The following C1QTNF3 variants were observed in gnomAD, a reference collection of about 807,000 sequenced individuals.
C1QTNF3 encodes the protein complement C1q tumor necrosis factor-related protein 3.
C1QTNF3 carries 26 observed loss-of-function variants against 32.6 expected under a neutral mutation model. That is an observed-to-expected ratio of 0.80 (90% CI 0.58 to 1.11). The LOEUF (loss-of-function observed/expected upper bound fraction) is 1.11. Among genes scored for constraint, C1QTNF3 ranks in the 50% least tolerant of loss-of-function variants. The probability of loss-of-function intolerance (pLI) is 0.00; values close to 1 mark genes in which losing one functional copy is unlikely to be tolerated. For missense variants in C1QTNF3, 362 were observed against 398.2 expected (o/e 0.91, Z 0.77); for synonymous variants, 155 against 146.0 (o/e 1.06, Z -0.44).
At chr5:34,165,509 G>A in the C1QTNF3 span, 2 of 152,044 alleles carry the variant, frequency 1.3e-5, no homozygotes, top group Admixed American at 6.6e-5. Context: ...CACAGCATCT[G>A]GTATTTAAAA....
At chr5:34,087,570 C>CTTTTTTTTTT in the C1QTNF3 span, among the ~76,000 whole-genome samples, 1 of 70,024 alleles carries the variant, frequency 1.4e-5, no homozygotes, top group Non-Finnish European at 2.5e-5. Context: ...ACGCTTTTGT[C>CTTTTTTTTTT]TTTTTTTTTT....
At chr5:34,113,873 A>G in the C1QTNF3 span, among the ~76,000 whole-genome samples, 2 of 152,186 alleles carry the variant, frequency 1.3e-5, no homozygotes, top group Admixed American at 1.3e-4. Flanking sequence ...GAATGCAAAA[A>G]CTACTTATTA....
the C1QTNF3 span, among the ~76,000 whole-genome samples, chr5:34,091,842 AT>A: frequency 6.6e-6 from 1 of 151,916 alleles, no homozygotes; most frequent in Non-Finnish European, 1.5e-5. Flanking sequence ...TTTTGTAATT[AT>A]TTTTTATATG....
chr5:34,043,288 C>G (rs978121047), upstream of C1QTNF3: 15 of 668,000 alleles, frequency 2.2e-5, no homozygotes, highest in Middle Eastern at 4.2e-4. Flanking sequence ...AGAGTGACAG[C>G]AGCCCTCCTC....
the C1QTNF3 span, among the ~76,000 whole-genome samples, chr5:34,189,690 C>T: frequency 2.6e-5 from 4 of 151,986 alleles, no homozygotes; most frequent in Non-Finnish European, 4.4e-5. Context: ...GAGCGGTTAC[C>T]CGGGCACTCT....
chr5:34,144,643 C>T, the C1QTNF3 span, among the ~76,000 whole-genome samples: 1 of 152,064 alleles, frequency 6.6e-6, no homozygotes, highest in Non-Finnish European at 1.5e-5. Context: ...CAAAATTACA[C>T]AAATACATTA....
chr5:34,045,061 G>A (rs1237578871), upstream of C1QTNF3, among the ~76,000 whole-genome samples: 1 of 152,170 alleles, frequency 6.6e-6, no homozygotes, highest in Non-Finnish European at 1.5e-5. Flanking sequence ...TCCCTCCTCA[G>A]GGAGGCCCAG....
chr5:34,156,433 G>A, the C1QTNF3 span, among the ~76,000 whole-genome samples: 1 of 152,178 alleles, frequency 6.6e-6, no homozygotes, highest in Non-Finnish European at 1.5e-5. Context: ...TATTTATACT[G>A]TGATTATTCT....
At chr5:34,173,845 GA>G in the C1QTNF3 span, among the ~76,000 whole-genome samples, 1 of 150,676 alleles carries the variant, frequency 6.6e-6, no homozygotes, top group Non-Finnish European at 1.5e-5. Context: ...TCAGAGGATA[GA>G]AGGATCTTAC....
rs1473684912 is a variant in C1QTNF3 at position 34,020,704 on chromosome 5, T to C, written c.839A>G (p.His280Arg). 3.1e-6 allele frequency: 5 copies of C among 1,614,214 alleles called. No individual in the cohort carries two copies. The highest frequency in any genetic ancestry group is 4.2e-6 in the Non-Finnish European group (5 of 1,180,022). ...MKGKSDTSSN[H>R]AVLKLAKGDE... ...CCCTTTGGCTAGCTTCAGCACAGCA[T>C]GATTGCTGGATGTATCTGATTTGCC... Residue 280 changes from histidine (H) to arginine (R), a missense_variant, in exon 6 of 6, where the codon CAT (histidine) becomes CGT (arginine). Physicochemically the swap from His to Arg is conservative, Grantham distance 29. Coordinates refer to ENST00000382065, the MANE Select transcript of C1QTNF3 (RefSeq NM_181435.6).
chr5:34,119,549 A>G, the C1QTNF3 span, among the ~76,000 whole-genome samples: 1 of 152,154 alleles, frequency 6.6e-6, no homozygotes, highest in Non-Finnish European at 1.5e-5. Context: ...AAAACAACAC[A>G]AACTTATGAC....
rs747259352 is a variant in C1QTNF3 at position 34,035,646 on chromosome 5, C to A, written c.415+1G>T. 2 of 1,604,484 alleles carry A rather than the reference C, an allele frequency of 1.2e-6. No homozygotes were observed. The highest frequency in any genetic ancestry group is 1.7e-6 in the Non-Finnish European group (2 of 1,172,338). ...TGACAGTATGTCTTGCTCATCCTTA[C>A]CTGGAATGCCAGGAGGGCCCGGTGG... On this transcript the variant is annotated splice_donor_variant, in intron 2 of 5. Transcript: ENST00000382065. LOFTEE classifies it high-confidence loss of function.
chr5:34,074,133 TATCAG>T, the C1QTNF3 span, among the ~76,000 whole-genome samples: 17 of 152,344 alleles, frequency 1.1e-4, no homozygotes, highest in African/African-American at 4.1e-4. Context: ...CAAAACAAAC[TATCAG>T]ATATTATTAT....
chr5:34,045,733 CCTT>C (rs1754974981), upstream of C1QTNF3, among the ~76,000 whole-genome samples: 3 of 151,904 alleles, frequency 2.0e-5, no homozygotes, highest in African/African-American at 7.3e-5. Context: ...AAGGATCTCT[CCTT>C]CTCTCTGCCA....
the C1QTNF3 span, among the ~76,000 whole-genome samples, chr5:34,072,367 GAAAGAGAA>G: frequency 2.0e-3 from 221 of 109,758 alleles, 2 homozygotes; most frequent in South Asian, 0.011. Context: ...AATTAAAAAA[GAAAGAGAA>G]AGAAAGAAAG....
chr5:34,174,332 C>T, the C1QTNF3 span, among the ~76,000 whole-genome samples: 3 of 152,326 alleles, frequency 2.0e-5, no homozygotes, highest in Admixed American at 1.3e-4. Flanking sequence ...GCTGGGATTA[C>T]AGGCGTGAGC....
the C1QTNF3 span, among the ~76,000 whole-genome samples, chr5:34,099,049 T>C: frequency 1.3e-5 from 2 of 152,236 alleles, no homozygotes; most frequent in African/African-American, 4.8e-5. Context: ...ATCCTGTCCA[T>C]GTTTTCCAGA....
At chr5:34,161,965 T>G in the C1QTNF3 span, among the ~76,000 whole-genome samples, 1 of 152,184 alleles carries the variant, frequency 6.6e-6, no homozygotes, top group East Asian at 1.9e-4. Context: ...TTCTAATCCA[T>G]GCATCAATTT....
At chr5:34,031,235 C>A (rs1370483109) in intron 3 of C1QTNF3, among the ~76,000 whole-genome samples, 2 of 152,168 alleles carry the variant, frequency 1.3e-5, no homozygotes, top group Non-Finnish European at 2.9e-5. Flanking sequence ...TTTGCTGGGA[C>A]CTTCAAAGAA....
Sources: allele counts gnomAD v4.1 joint callset (sites outside exome capture counted in the v4.1 genomes callset), GRCh38; gene constraint gnomAD v4.1.1; transcripts MANE v1.5; gene names NCBI Gene and HGNC (gene_info 2026-07-23, HGNC 2026-07-21).